The following ABCA13 variants were observed in gnomAD, a reference collection of about 807,000 sequenced individuals.
ABCA13 encodes the protein ATP binding cassette subfamily A member 13, also known as ATP-binding cassette sub-family A member 13.
ABCA13 carries 476 observed loss-of-function variants against 478.7 expected under a neutral mutation model. That is an observed-to-expected ratio of 0.99 (90% CI 0.92 to 1.07). ABCA13 has a LOEUF of 1.07. Ranked by LOEUF, ABCA13 falls within the 50% of genes least tolerant of loss-of-function variation. ABCA13 has a pLI of 0.00. For synonymous variants in ABCA13, 2,252 were observed against 2,158.9 expected, an observed-to-expected ratio of 1.04 and a Z score of -1.20; for missense variants, 6,060 against 5,910.6, an observed-to-expected ratio of 1.03 and a Z score of -0.83.
chr7:48,281,251 C>A, intron 18 of ABCA13, 92 bp from the exon 19 acceptor site: 1 of 1,000,334 alleles, frequency 1.0e-6, no homozygotes, highest in Non-Finnish European at 1.5e-6. Context: ...ATGGTTCTTA[C>A]ATGTGTGTTA....
chr7:48,206,375 A>G (rs1023499138), intron 3 of ABCA13, among the ~76,000 whole-genome samples: 4 of 152,218 alleles, frequency 2.6e-5, no homozygotes, highest in African/African-American at 9.6e-5. Flanking sequence ...ACAGGTGTGT[A>G]GGCTAAGAGC....
intron 32 of ABCA13, among the ~76,000 whole-genome samples, chr7:48,369,154 G>A (rs1235992515): frequency 4.6e-5 from 7 of 152,062 alleles, no homozygotes; most frequent in African/African-American, 1.7e-4. Flanking sequence ...CTGATAATTA[G>A]TGACGATGAG....
Position 48,272,188 on chromosome 7 carries a change from G to C in ABCA13, c.2522G>C (p.Gly841Ala). The C allele has an allele frequency of 6.2e-7, 1 of 1,611,950 alleles. No homozygotes were observed. ...NPKLLELWAY[G>A]ISKGKRAKLE... Reference sequence around the variant, plus strand: ...AAATTACTAGAATTATGGGCCTATGGCATTTCAAAAGGAAAAAGAGCTAAA... The same window carrying C: ...AAATTACTAGAATTATGGGCCTATGCCATTTCAAAAGGAAAAAGAGCTAAA... Residue 841 changes from glycine to alanine, a missense_variant, in exon 17 of 62, where the codon GGC becomes GCC. Coordinates refer to ENST00000435803, the MANE Select transcript of ABCA13 (RefSeq NM_152701.5).
intron 55 of ABCA13, among the ~76,000 whole-genome samples, chr7:48,548,051 A>G (rs1450577564): frequency 6.6e-6 from 1 of 151,940 alleles, no homozygotes; most frequent in Non-Finnish European, 1.5e-5. Flanking sequence ...TGTCTTTTCA[A>G]GAACAACAAG....
At chr7:48,350,348 C>T (rs1195951270) in intron 29 of ABCA13, among the ~76,000 whole-genome samples, 1 of 152,034 alleles carries the variant, frequency 6.6e-6, no homozygotes. Flanking sequence ...GTTGTTTATC[C>T]TGTTGTCTCC....
chr7:48,199,809 T>A (rs183856038), intron 3 of ABCA13, among the ~76,000 whole-genome samples: 111 of 152,324 alleles, frequency 7.3e-4, no homozygotes, highest in Middle Eastern at 6.8e-3. Flanking sequence ...TGTCTCTTCC[T>A]TACTTGGATT....
chr7:48,362,397 C>T (rs1371041294), intron 31 of ABCA13, among the ~76,000 whole-genome samples: 2 of 137,286 alleles, frequency 1.5e-5, no homozygotes, highest in African/African-American at 5.4e-5. Context: ...TCTCTTCACT[C>T]TTCCTCTTCT....
chr7:48,403,632 C>A, intron 38 of ABCA13, 51 bp from the exon 39 acceptor site: 1 of 1,557,548 alleles, frequency 6.4e-7, no homozygotes, highest in Non-Finnish European at 8.8e-7. Flanking sequence ...AAATTAGAAG[C>A]AAAGTTTTAA....
At chr7:48,577,869 A>G (rs1342519263) in intron 55 of ABCA13, among the ~76,000 whole-genome samples, 1 of 152,156 alleles carries the variant, frequency 6.6e-6, no homozygotes, top group Non-Finnish European at 1.5e-5. Context: ...GAAAAGAATT[A>G]TATACTATGA....
chr7:48,618,043 A>G (rs1370735177), intron 59 of ABCA13, among the ~76,000 whole-genome samples: 2 of 152,200 alleles, frequency 1.3e-5, no homozygotes, highest in Non-Finnish European at 2.9e-5. Flanking sequence ...ATGGGGCCTC[A>G]GATGAGAAAC....
chr7:48,503,702 C>G (rs929144761), intron 48 of ABCA13, among the ~76,000 whole-genome samples: 1 of 152,182 alleles, frequency 6.6e-6, no homozygotes, highest in African/African-American at 2.4e-5. Flanking sequence ...TATCAACAGA[C>G]ACAGGTTATT....
chr7:48,590,951 G>T (rs1407256544), intron 57 of ABCA13, among the ~76,000 whole-genome samples: 2 of 151,672 alleles, frequency 1.3e-5, no homozygotes, highest in African/African-American at 4.8e-5. Context: ...TTCCTTTCTT[G>T]TGCAGAAACT....
chr7:48,238,552 T>A (rs1790318473), intron 8 of ABCA13, among the ~76,000 whole-genome samples: 1 of 151,536 alleles, frequency 6.6e-6, no homozygotes, highest in South Asian at 2.1e-4. Flanking sequence ...CACTGCAAGC[T>A]CCGCCTCCTG....
chr7:48,290,340 T>C (rs1584662300), intron 20 of ABCA13, among the ~76,000 whole-genome samples: 1 of 152,220 alleles, frequency 6.6e-6, no homozygotes, highest in African/African-American at 2.4e-5. Context: ...TATACACTTA[T>C]CCAGCATTTC....
At chr7:48,295,905 T>A (rs770815662) in intron 21 of ABCA13, 42 bp downstream of exon 21, 1 of 1,555,172 alleles carries the variant, frequency 6.4e-7, no homozygotes, top group Non-Finnish European at 8.7e-7. Flanking sequence ...AGTACTTCCA[T>A]TCATAGAGAG....
At chr7:48,216,793 T>C (rs1050317737) in intron 3 of ABCA13, among the ~76,000 whole-genome samples, 1 of 152,086 alleles carries the variant, frequency 6.6e-6, no homozygotes. Context: ...CTTCATTCTT[T>C]TGCATGTGGA....
chr7:48,344,342 T>A (rs1384129840), intron 29 of ABCA13, among the ~76,000 whole-genome samples: 1 of 152,218 alleles, frequency 6.6e-6, no homozygotes, highest in Admixed American at 6.5e-5. Flanking sequence ...AACTCTCATT[T>A]AGAGCAATAA....
chr7:48,219,778 A>G (rs919331998), intron 4 of ABCA13, among the ~76,000 whole-genome samples: 3 of 152,022 alleles, frequency 2.0e-5, no homozygotes, highest in Non-Finnish European at 2.9e-5. Flanking sequence ...TTGTCTCCAC[A>G]GTTACCTTCT....
At chr7:48,404,148 G>T (rs1817969470) in intron 39 of ABCA13, 2 of 385,226 alleles carry the variant, frequency 5.2e-6, no homozygotes, top group African/African-American at 2.1e-5. Flanking sequence ...ATGATTTCAA[G>T]GAAAATTGTC....
Sources: gnomAD v4.1 joint callset for allele counts (sites outside exome capture counted in the v4.1 genomes callset) on GRCh38, gnomAD v4.1.1 for gene constraint, MANE v1.5 for transcripts, NCBI Gene and HGNC (gene_info 2026-07-23, HGNC 2026-07-21) for gene names.